LDHB: variants seen among roughly 807,000 people sequenced by gnomAD.
The protein encoded by LDHB is L-lactate dehydrogenase B chain.
LDHB carries 18 observed loss-of-function variants against 33.4 expected under a neutral mutation model. The ratio of observed to expected loss-of-function variants is 0.54; its 90% confidence interval spans 0.37 to 0.80. LDHB has a LOEUF of 0.80. Among genes scored for constraint, LDHB ranks in the 30% least tolerant of loss-of-function variants. The pLI, the probability that LDHB is intolerant of heterozygous loss-of-function variation, is 0.00. For missense variants in LDHB, 345 were observed against 407.9 expected, an observed-to-expected ratio of 0.85 and a Z score of 1.33; for synonymous variants, 121 against 140.6, an observed-to-expected ratio of 0.86 and a Z score of 0.98.
intron 4 of LDHB, among the ~76,000 whole-genome samples, chr12:21,642,435 A>G (rs1381230899): frequency 2.6e-5 from 4 of 152,176 alleles, no homozygotes; most frequent in Non-Finnish European, 2.9e-5. Flanking sequence ...TTAAAGTTGA[A>G]AAAAACAAAA....
At position 21,642,077 on chromosome 12, in the gene LDHB, T is replaced by C. The variant is rs1380657767; in HGVS notation, c.470A>G (p.His157Arg). The C allele has an allele frequency of 6.2e-7, 1 of 1,613,566 alleles. No homozygotes were observed. Among genetic ancestry groups the C allele is most frequent in the Admixed American group, 1.7e-5 (1 of 59,966 alleles). ...ATTACATCCACTTCCAATCACGCGG[T>C]GTTTGGGTAATCCACTTAGTTTCCA... ...VTWKLSGLPK[H>R]RVIGSGCNLD... The change falls in exon 5 of 8, where the codon CAC (histidine) becomes CGC (arginine). Residue 157 changes from histidine to arginine, a missense_variant. His to Arg is a conservative substitution (Grantham distance 29, BLOSUM62 0). Coordinates refer to ENST00000350669, the MANE Select transcript of LDHB (RefSeq NM_002300.8).
intron 4 of LDHB, chr12:21,643,701 A>T: frequency 7.7e-6 from 4 of 522,758 alleles, no homozygotes; most frequent in Non-Finnish European, 1.4e-5. Flanking sequence ...ACCAAGCCAG[A>T]TGAAGCAAAA....
chr12:21,650,150 ACG>A (rs1491135739), intron 2 of LDHB, among the ~76,000 whole-genome samples: 119,344 of 145,842 alleles, frequency 0.82, 49,828 homozygotes, highest in East Asian at 0.94. Flanking sequence ...ACACACACAC[ACG>A]TCTCTCTCTC....
intron 2 of LDHB, among the ~76,000 whole-genome samples, chr12:21,649,857 T>C (rs1470931811): frequency 1.3e-5 from 2 of 152,018 alleles, no homozygotes. Context: ...TTTGGGGGGC[T>C]GAGGCAGGCA....
intron 4 of LDHB, 30 bp from the exon 5 acceptor site, chr12:21,642,155 T>C: frequency 6.4e-7 from 1 of 1,572,762 alleles, no homozygotes; most frequent in Non-Finnish European, 8.8e-7. Flanking sequence ...TATATGTAAG[T>C]AAACCAAAAC....
chr12:21,642,784 G>C (rs1475896103), intron 4 of LDHB, among the ~76,000 whole-genome samples: 1 of 152,076 alleles, frequency 6.6e-6, no homozygotes, highest in Non-Finnish European at 1.5e-5. Context: ...AAGGTGAAGA[G>C]CTGAAAGTTA....
At chr12:21,647,106 C>A (rs1458358554) in intron 2 of LDHB, 90 bp from the exon 3 acceptor site, 1 of 759,436 alleles carries the variant, frequency 1.3e-6, no homozygotes. Context: ...TTTAACATGG[C>A]TAAGCACCAA....
At chr12:21,638,061 C>A (rs1938264667) in intron 6 of LDHB, among the ~76,000 whole-genome samples, 2 of 151,946 alleles carry the variant, frequency 1.3e-5, no homozygotes, top group South Asian at 4.1e-4. Flanking sequence ...CTAAATAAAT[C>A]AACCTTATTT....
Position 21,635,384 on chromosome 12 carries a change from G to A in LDHB, c.*158C>T. ...TTTTATTTGTTCAAGAGCTCAGATTGCAAGCATTAAACCAAGCATAGGCTT... is the reference window on the plus strand; with the variant it reads ...TTTTATTTGTTCAAGAGCTCAGATTACAAGCATTAAACCAAGCATAGGCTT... On this transcript the variant is annotated 3_prime_UTR_variant, in exon 8 of 8. Transcript: ENST00000350669. 1 of 678,924 alleles carries A rather than the reference G, an allele frequency of 1.5e-6. No individual in the cohort carries two copies. The highest frequency in any genetic ancestry group is 2.6e-6 in the Non-Finnish European group (1 of 380,662). 42.1% of individuals were successfully genotyped at this position (678,924 alleles called of 1,614,324 possible).
Position 21,649,493 on chromosome 12 carries a change from C to G in LDHB, c.130-2477G>C, listed in dbSNP as rs139508013. ...TTTCCATATATATATTTCACTTAAG[C>G]TGTAAGCATGTTTAAAATGTTTGAA... On this transcript the variant is annotated intron_variant, in intron 2 of 7. Transcript: ENST00000350669. 3.4e-3 allele frequency among the ~76,000 whole-genome samples: 516 copies of G among 152,214 alleles called. 5 individuals carry two copies. Among genetic ancestry groups the G allele is most frequent in the African/African-American group, 0.012 (493 of 41,532 alleles).
chr12:21,648,647 G>A (rs1938596819), intron 2 of LDHB, among the ~76,000 whole-genome samples: 2 of 152,144 alleles, frequency 1.3e-5, no homozygotes, highest in African/African-American at 4.8e-5. Context: ...CGGAGATGCA[G>A]CAAAGAGCTG....
Position 21,635,509 on chromosome 12 carries a change from G to C in LDHB, c.*33C>G. 6.4e-7 allele frequency: 1 copy of C among 1,572,802 alleles called. No individual in the cohort carries two copies. The highest frequency in any genetic ancestry group is 2.2e-5 in the East Asian group (1 of 44,696). Reference sequence around the variant, plus strand: ...AAAGGCTCGAGTTAATCACATTGTAGTTTTTAAATTTCTACAGCCTAGAGC... The same window carrying C: ...AAAGGCTCGAGTTAATCACATTGTACTTTTTAAATTTCTACAGCCTAGAGC... On this transcript the variant is annotated 3_prime_UTR_variant, in exon 8 of 8. Transcript: ENST00000350669.
rs1178749300 is a variant in LDHB, at chr12:21,643,978, G to T, written c.378C>A (p.Val126=). ...NVFKFIIPQI[V]KYSPDCIIIV... The stretch of plus-strand genomic sequence containing the variant: ...TTATGATGCAATCAGGACTGTACTT[G>T]ACGATCTGAGGAATAATGAATTTGA... Residue 126 remains valine (V), a synonymous_variant, in exon 4 of 8, where the codon GTC becomes GTA. Transcript: ENST00000350669. 8 of 1,613,000 alleles carry T rather than the reference G, an allele frequency of 5.0e-6. No individual in the cohort carries two copies. Among genetic ancestry groups the T allele is most frequent in the Non-Finnish European group, 6.8e-6 (8 of 1,179,016 alleles).
At chr12:21,640,330 T>A (rs889499664) in intron 5 of LDHB, among the ~76,000 whole-genome samples, 25 of 90,402 alleles carry the variant, frequency 2.8e-4, no homozygotes, top group Non-Finnish European at 3.9e-4. Context: ...AGTTTTAAAT[T>A]GTCTGAACAC....
At chr12:21,648,105 A>G (rs910924212) in intron 2 of LDHB, among the ~76,000 whole-genome samples, 13 of 152,202 alleles carry the variant, frequency 8.5e-5, no homozygotes, top group African/African-American at 2.4e-4. Flanking sequence ...CCATTATCTT[A>G]TGGAAGTCAT....
At chr12:21,639,763 T>G (rs1230583166) in intron 5 of LDHB, among the ~76,000 whole-genome samples, 5 of 152,046 alleles carry the variant, frequency 3.3e-5, no homozygotes, top group Non-Finnish European at 7.4e-5. Context: ...CTAAAAACTT[T>G]CCATGCTCAA....
At chr12:21,636,841 C>T (rs1353898786) in intron 7 of LDHB, among the ~76,000 whole-genome samples, 1 of 151,982 alleles carries the variant, frequency 6.6e-6, no homozygotes, top group Admixed American at 6.6e-5. Context: ...ATTTAATTTG[C>T]AAAATTATAT....
At chr12:21,653,320 C>T (rs1356448531) in intron 2 of LDHB, among the ~76,000 whole-genome samples, 1 of 152,134 alleles carries the variant, frequency 6.6e-6, no homozygotes, top group Admixed American at 6.5e-5. Flanking sequence ...TACTCTAAAA[C>T]AGGGGTCCCC....
intron 7 of LDHB, 51 bp from the exon 8 acceptor site, chr12:21,635,760 A>C: frequency 6.4e-7 from 1 of 1,559,390 alleles, no homozygotes; most frequent in Non-Finnish European, 8.8e-7. Context: ...GTAAGTAAAA[A>C]TGATCAAAGA....
Sources: allele counts gnomAD v4.1 joint callset (sites outside exome capture counted in the v4.1 genomes callset), GRCh38; gene constraint gnomAD v4.1.1; transcripts MANE v1.5; gene names NCBI Gene and HGNC (gene_info 2026-07-23, HGNC 2026-07-21).